Variants in TDRKH observed in about 807,000 individuals in gnomAD.
TDRKH encodes tudor and KH domain containing.
In TDRKH, 28 loss-of-function variants were observed where a neutral mutation model predicts 61.3. That is an observed-to-expected ratio of 0.46 (90% CI 0.34 to 0.63). TDRKH has a LOEUF of 0.63. Ranked by LOEUF, TDRKH falls within the 20% of genes least tolerant of loss-of-function variation. The probability of loss-of-function intolerance (pLI) is 0.01; values close to 1 mark genes in which losing one functional copy is unlikely to be tolerated. For synonymous variants in TDRKH, 219 were observed against 244.4 expected (o/e 0.90, Z 0.97); for missense variants, 540 against 683.4 (o/e 0.79, Z 2.34).
chr1:151,770,477 A>C, downstream of TDRKH: 1 of 556,090 alleles, frequency 1.8e-6, no homozygotes, highest in Non-Finnish European at 3.0e-6. Context: ...TAGGGGCCAG[A>C]CTGAAGGAGC....
downstream of TDRKH, chr1:151,768,311 G>T (rs1388238214): frequency 3.9e-6 from 6 of 1,528,746 alleles, no homozygotes; most frequent in East Asian, 1.2e-4. Context: ...AGTACATAAG[G>T]CTAATTCTGG....
At chr1:151,789,584 A>G (rs1650698293) in intron 1 of TDRKH, among the ~76,000 whole-genome samples, 2 of 152,242 alleles carry the variant, frequency 1.3e-5, no homozygotes, top group South Asian at 4.1e-4. Flanking sequence ...ATTTCCTGAC[A>G]TTTGTATTGA....
chr1:151,789,389 G>A (rs868867), intron 1 of TDRKH, among the ~76,000 whole-genome samples: 61,832 of 151,920 alleles, frequency 0.41, 13,487 homozygotes, highest in Non-Finnish European at 0.5. Context: ...TGTAAACGGG[G>A]ATAACTGCAT....
chr1:151,775,965 A>T lies in TDRKH; in HGVS notation c.1218-81T>A. On this transcript the variant is annotated intron_variant, in intron 8 of 12. Coordinates refer to ENST00000368824, the MANE Select transcript of TDRKH (RefSeq NM_001083965.2). ...TGCTGCTTTCAGAAAGAACCAACTA[A>T]CATGAGACGATAACCATCTGCTCTC... The T allele has an allele frequency of 5.7e-6, 9 of 1,579,990 alleles. No individual in the cohort carries two copies. The South Asian group carries it at 7.8e-5, about 14-fold the overall frequency.
chr1:151,779,632 T>G (rs988873485), intron 4 of TDRKH: 1 of 379,138 alleles, frequency 2.6e-6, no homozygotes, highest in Non-Finnish European at 4.7e-6. Context: ...AAAGGTACCC[T>G]CTAGAGCACT....
At chr1:151,789,304 A>C (rs1414865034) in intron 1 of TDRKH, among the ~76,000 whole-genome samples, 4 of 152,212 alleles carry the variant, frequency 2.6e-5, no homozygotes, top group Non-Finnish European at 5.9e-5. Context: ...TTGATCTGTC[A>C]CTATGGTTTT....
chr1:151,770,025 C>T, downstream of TDRKH: 2 of 1,351,348 alleles, frequency 1.5e-6, no homozygotes, highest in Non-Finnish European at 2.1e-6. Flanking sequence ...GGCAGCAGTA[C>T]AGTCCAGCTT....
intron 8 of TDRKH, 59 bp downstream of exon 8, chr1:151,776,037 C>G (rs1355231048): frequency 1.9e-6 from 3 of 1,582,390 alleles, no homozygotes; most frequent in Non-Finnish European, 2.6e-6. Flanking sequence ...GCCAACAGCT[C>G]ACCACCCTAT....
At chr1:151,770,456 G>T (rs891531163), downstream of TDRKH, 19 of 691,474 alleles carry the variant, frequency 2.7e-5, no homozygotes, top group Middle Eastern at 4.5e-4. Flanking sequence ...GGAAGCCCCT[G>T]CAGGTGGTGT....
chr1:151,786,235 A>C (rs1042232390), intron 1 of TDRKH, among the ~76,000 whole-genome samples: 2 of 152,248 alleles, frequency 1.3e-5, no homozygotes, highest in African/African-American at 4.8e-5. Context: ...GGCTGGAGGT[A>C]GATTTCTTAC....
Position 151,776,619 on chromosome 1 carries a change from T to G in TDRKH, c.884-20A>C. ...TGGGGACTGAACACAGAGATAAGGA[T>G]GGTGGCCACATCAGACCCATCTCTG... On this transcript the variant is annotated intron_variant, in intron 6 of 12. Transcript: ENST00000368824. The G allele has an allele frequency of 6.2e-7, 1 of 1,612,906 alleles. No homozygotes were observed. The highest frequency in any genetic ancestry group is 8.5e-7 in the Non-Finnish European group (1 of 1,179,106).
intron 1 of TDRKH, among the ~76,000 whole-genome samples, chr1:151,785,467 G>A (rs753649008): frequency 9.8e-5 from 15 of 152,318 alleles, no homozygotes; most frequent in Middle Eastern, 3.4e-3. Context: ...ACAAGAGCTG[G>A]AGTAAGTACT....
chr1:151,775,568 T>C (rs769377029), intron 9 of TDRKH, 25 bp from the exon 10 acceptor site: 12 of 1,607,958 alleles, frequency 7.5e-6, no homozygotes, highest in Non-Finnish European at 1.0e-5. Context: ...TAGGGGTTAC[T>C]GCTGATAGGG....
At chr1:151,771,151 G>T, downstream of TDRKH, 4 of 1,613,738 alleles carry the variant, frequency 2.5e-6, no homozygotes, top group Non-Finnish European at 3.4e-6. Context: ...CCCTCCCTTG[G>T]ACAATGTCAT....
chr1:151,778,912 C>A lies in TDRKH; in HGVS notation c.656G>T (p.Ser219Ile). 6.2e-7 allele frequency: 1 copy of A among 1,614,224 alleles called. No homozygotes were observed. The highest frequency in any genetic ancestry group is 8.5e-7 in the Non-Finnish European group (1 of 1,180,046). Residue 219 changes from serine (S) to isoleucine (I), a missense_variant, in exon 6 of 13, where the codon AGT becomes ATT. Ser to Ile is a moderately radical substitution (Grantham distance 142). Transcript: ENST00000368824. ...ETRVPRKQPI[S>I]VRREDMTEPG... ...CTCTGTCATGTCTTCTCTTCTCACA[C>A]TGATTGGCTGTTTGCGTGGGACCCT...
downstream of TDRKH, chr1:151,769,325 G>T (rs1384822154): frequency 6.6e-6 from 1 of 151,724 alleles, no homozygotes; most frequent in East Asian, 1.9e-4. Context: ...CGGCTGACCG[G>T]GCGGGGGCTG....
chr1:151,782,919 C>T lies in TDRKH; in HGVS notation c.104G>A (p.Arg35His), dbSNP rs201525863. ...CGTACCTCTGCTTTCCCTATACCTGCGGTATAGGATATAGGCAACTGTTGC... is the reference window on the plus strand; with the variant it reads ...CGTACCTCTGCTTTCCCTATACCTGTGGTATAGGATATAGGCAACTGTTGC... ...ASATVAYILYRRYRESREERL... is the reference protein window; with the variant it reads ...ASATVAYILYHRYRESREERL... The change falls in exon 2 of 13, where the codon CGC (arginine) becomes CAC (histidine). Residue 35 changes from arginine (R) to histidine (H), a missense_variant. Transcript: ENST00000368824. 24 of 1,610,910 alleles carry T rather than the reference C, an allele frequency of 1.5e-5. No individual in the cohort carries two copies. The highest frequency in any genetic ancestry group is 3.3e-4 in the Middle Eastern group (2 of 6,058).
intron 1 of TDRKH, among the ~76,000 whole-genome samples, chr1:151,789,376 T>C (rs922350538): frequency 6.6e-6 from 1 of 152,174 alleles, no homozygotes; most frequent in Non-Finnish European, 1.5e-5. Context: ...GAAAATAATA[T>C]AATGTAAACG....
intron 8 of TDRKH, 40 bp downstream of exon 8, chr1:151,776,056 C>G: frequency 6.3e-7 from 1 of 1,593,608 alleles, no homozygotes; most frequent in South Asian, 1.1e-5. Context: ...ATGGCCAGAA[C>G]TGAGTCAGCA....
Sources: gnomAD v4.1 joint callset for allele counts (sites outside exome capture counted in the v4.1 genomes callset) on GRCh38, gnomAD v4.1.1 for gene constraint, MANE v1.5 for transcripts, NCBI Gene and HGNC (gene_info 2026-07-23, HGNC 2026-07-21) for gene names.